The following CACNA2D1 variants were observed in gnomAD, a reference collection of about 807,000 sequenced individuals.
The protein encoded by CACNA2D1 is calcium voltage-gated channel auxiliary subunit alpha2delta 1.
CACNA2D1 carries 53 observed loss-of-function variants against 171.5 expected under a neutral mutation model. That is an observed-to-expected ratio of 0.31 (90% CI 0.25 to 0.39). The LOEUF (loss-of-function observed/expected upper bound fraction) is 0.39, where lower values mean the gene tolerates loss of function less well. Among genes scored for constraint, CACNA2D1 ranks in the 10% least tolerant of loss-of-function variants. The probability of loss-of-function intolerance (pLI) is 1.00; values close to 1 mark genes in which losing one functional copy is unlikely to be tolerated. For synonymous variants in CACNA2D1, 442 were observed against 443.1 expected (o/e 1.00, Z 0.03); for missense variants, 903 against 1,299.8 (o/e 0.69, Z 4.69).
At chr7:81,995,923 G>A (rs567383929) in intron 19 of CACNA2D1, among the ~76,000 whole-genome samples, 130 of 152,132 alleles carry the variant, frequency 8.5e-4, no homozygotes, top group Non-Finnish European at 1.6e-3. Context: ...ATGTGGCTTC[G>A]GGAAGCTGCA....
chr7:82,355,976 T>C (rs553321523), intron 1 of CACNA2D1, among the ~76,000 whole-genome samples: 30 of 152,160 alleles, frequency 2.0e-4, no homozygotes, highest in Non-Finnish European at 4.1e-4. Flanking sequence ...ATAAACCCTC[T>C]ATGTCCCTTC....
At chr7:81,997,367 G>C (rs1798149558) in intron 18 of CACNA2D1, 117 bp from the exon 19 acceptor site, 1 of 606,882 alleles carries the variant, frequency 1.6e-6, no homozygotes. Flanking sequence ...TACAATAATT[G>C]TATAAAGGTA....
At position 82,307,430 on chromosome 7, in the gene CACNA2D1, TAC is replaced by T. The variant is rs1419404987; in HGVS notation, c.294+27703_294+27704del. ...CCTCTGCCTCCCAAAGTGGTGGGATTACAGGAGCGAGCCACCATGCCTGACAA... is the reference window on the plus strand; with the variant it reads ...CCTCTGCCTCCCAAAGTGGTGGGATTAGGAGCGAGCCACCATGCCTGACAA... On this transcript the variant is annotated intron_variant, in intron 3 of 38. Transcript: ENST00000356860. 2.0e-5 allele frequency among the ~76,000 whole-genome samples: 3 copies of T among 151,782 alleles called. No homozygotes were observed. The East Asian group carries it at 5.8e-4, about 29-fold the overall frequency.
intron 3 of CACNA2D1, among the ~76,000 whole-genome samples, chr7:82,172,640 T>TTTTTTTC (rs1491222972): frequency 2.6e-5 from 2 of 77,278 alleles, no homozygotes; most frequent in African/African-American, 1.0e-4. Context: ...TTTTTTTTTT[T>TTTTTTTC]GGTAAAGATG....
In CACNA2D1 at chr7:82,060,175, T is replaced by C. The variant is rs1584585185; in HGVS notation, c.879+253A>G. Among the ~76,000 whole-genome samples the C allele has an allele frequency of 9.4e-5, 3 of 31,794 alleles. 1 individual carries two copies. The highest frequency in any genetic ancestry group is 1.2e-4 in the African/African-American group (1 of 8,248). 20.9% of individuals were successfully genotyped at this position (31,794 alleles called of 152,430 possible). A position where few individuals can be genotyped will look rare whatever the true frequency, so the allele number is the denominator to read the frequency against. ...GTATTATATATATATAATATATATA[T>C]ATAATATATATATATTATATATATA... On this transcript the variant is annotated intron_variant, in intron 10 of 38. Transcript: ENST00000356860.
At chr7:82,050,389 T>C (rs1256944368) in intron 10 of CACNA2D1, 1 of 567,938 alleles carries the variant, frequency 1.8e-6, no homozygotes, top group African/African-American at 1.9e-5. Flanking sequence ...CAGAGTAACA[T>C]CTTTGTTTGC....
chr7:82,034,448 T>G (rs549126769), intron 11 of CACNA2D1, among the ~76,000 whole-genome samples: 2 of 152,154 alleles, frequency 1.3e-5, no homozygotes, highest in South Asian at 4.1e-4. Context: ...ATTAGAACAT[T>G]GGCAGTAAAA....
At chr7:82,232,458 T>A (rs1203892354) in intron 3 of CACNA2D1, among the ~76,000 whole-genome samples, 7 of 152,254 alleles carry the variant, frequency 4.6e-5, no homozygotes, top group African/African-American at 1.7e-4. Context: ...TAAACTTAGT[T>A]GAAAATAGAT....
chr7:82,117,676 A>C (rs1027551311), intron 5 of CACNA2D1, among the ~76,000 whole-genome samples: 2 of 152,074 alleles, frequency 1.3e-5, no homozygotes, highest in Admixed American at 6.6e-5. Flanking sequence ...TAGTCACAGG[A>C]GGCTTTAGGT....
intron 3 of CACNA2D1, among the ~76,000 whole-genome samples, chr7:82,291,658 T>C (rs1811641477): frequency 1.4e-5 from 2 of 138,098 alleles, no homozygotes; most frequent in Non-Finnish European, 3.0e-5. Context: ...TGCATATATA[T>C]ATATTTTTTT....
chr7:82,106,875 T>G (rs1787823658), intron 6 of CACNA2D1, among the ~76,000 whole-genome samples: 1 of 152,282 alleles, frequency 6.6e-6, no homozygotes, highest in South Asian at 2.1e-4. Context: ...GTGGGCATTG[T>G]TCTCCTAATT....
chr7:81,948,492 TGGTACCTAA>T lies in CACNA2D1; in HGVS notation c.*1891_*1899del, dbSNP rs1792222684. ...AAAAAAATCTTGAAATGTACACAAATGGTACCTAAGGTATATTGGTGGTGGGAGGGAATT... is the reference window on the plus strand; with the variant it reads ...AAAAAAATCTTGAAATGTACACAAATGGTATATTGGTGGTGGGAGGGAATT... On this transcript the variant is annotated 3_prime_UTR_variant, in exon 39 of 39. Coordinates refer to ENST00000356860, the MANE Select transcript of CACNA2D1 (RefSeq NM_000722.4). 6.6e-6 allele frequency: 1 copy of T among 151,718 alleles called. No homozygotes were observed. The highest frequency in any genetic ancestry group is 2.4e-5 in the African/African-American group (1 of 41,362). The allele number at this position is 151,718 out of a possible 1,614,324, so 9.4% of individuals were successfully genotyped here. A position where few individuals can be genotyped will look rare whatever the true frequency, so the allele number is the denominator to read the frequency against.
intron 18 of CACNA2D1, among the ~76,000 whole-genome samples, chr7:81,998,056 T>G (rs1798228994): frequency 6.6e-6 from 1 of 151,984 alleles, no homozygotes; most frequent in Non-Finnish European, 1.5e-5. Flanking sequence ...CTGGCAAATT[T>G]ACCTCATATG....
At chr7:82,241,356 T>C (rs1280335731) in intron 3 of CACNA2D1, among the ~76,000 whole-genome samples, 1 of 152,194 alleles carries the variant, frequency 6.6e-6, no homozygotes, top group Admixed American at 6.5e-5. Flanking sequence ...CACCACAAGG[T>C]AACTGCAGAG....
At chr7:82,287,932 A>G (rs10266656) in intron 3 of CACNA2D1, among the ~76,000 whole-genome samples, 12,000 of 150,544 alleles carry the variant, frequency 0.08, 1,606 homozygotes, top group African/African-American at 0.28. Flanking sequence ...CCGGGTTTAC[A>G]CCATTCTCCT....
chr7:82,088,619 T>C (rs917482129), intron 6 of CACNA2D1, among the ~76,000 whole-genome samples: 9 of 152,132 alleles, frequency 5.9e-5, no homozygotes, highest in Non-Finnish European at 1.2e-4. Flanking sequence ...TAATGTTTAA[T>C]ATAAAAATTC....
At chr7:82,238,474 G>GA (rs1418843064) in intron 3 of CACNA2D1, among the ~76,000 whole-genome samples, 13 of 151,782 alleles carry the variant, frequency 8.6e-5, no homozygotes, top group African/African-American at 2.4e-4. Flanking sequence ...ACAATCATAT[G>GA]AAAAAAAGTC....
At chr7:81,975,540 T>C (rs1171188982) in intron 24 of CACNA2D1, among the ~76,000 whole-genome samples, 1 of 152,110 alleles carries the variant, frequency 6.6e-6, no homozygotes, top group Non-Finnish European at 1.5e-5. Flanking sequence ...ATACTGAAAC[T>C]TGTTTATTTG....
chr7:82,204,541 A>AAC (rs1190119841), intron 3 of CACNA2D1, among the ~76,000 whole-genome samples: 7 of 152,046 alleles, frequency 4.6e-5, no homozygotes, highest in African/African-American at 1.7e-4. Flanking sequence ...TGCCTGCCAT[A>AAC]ACCTGGAGTT....
Sources: gnomAD v4.1 joint callset for allele counts (sites outside exome capture counted in the v4.1 genomes callset) on GRCh38, gnomAD v4.1.1 for gene constraint, MANE v1.5 for transcripts, NCBI Gene and HGNC (gene_info 2026-07-23, HGNC 2026-07-21) for gene names.